TNRC6C: variants seen among roughly 807,000 people sequenced by gnomAD.
TNRC6C encodes the protein trinucleotide repeat-containing gene 6C protein.
Under a neutral mutation model 153.7 loss-of-function variants are expected in TNRC6C, and 20 were observed. The observed-to-expected ratio is 0.13, with a 90% CI of 0.09 to 0.19. The LOEUF is 0.19. TNRC6C is among the 10% of genes least tolerant of loss of function. The pLI, the probability that TNRC6C is intolerant of heterozygous loss-of-function variation, is 1.00. For missense variants in TNRC6C, 1,987 were observed against 2,172.0 expected, an observed-to-expected ratio of 0.91 and a Z score of 1.69; for synonymous variants, 811 against 841.4, an observed-to-expected ratio of 0.96 and a Z score of 0.63.
At chr17:78,097,356 C>T (rs993872499) in intron 16 of TNRC6C, among the ~76,000 whole-genome samples, 18 of 152,052 alleles carry the variant, frequency 1.2e-4, no homozygotes, top group African/African-American at 4.3e-4. Flanking sequence ...CATTTTGTGG[C>T]CATTGTTTGA....
At chr17:77,968,584 C>A (rs1232165861) in intron 1 of TNRC6C, among the ~76,000 whole-genome samples, 1 of 147,442 alleles carries the variant, frequency 6.8e-6, no homozygotes, top group Non-Finnish European at 1.5e-5. Flanking sequence ...CTCAGGTGAT[C>A]CGCCCACCTC....
At chr17:78,077,042 A>G (rs2073097137) in intron 8 of TNRC6C, 143 bp from the exon 11 acceptor site, 1 of 869,510 alleles carries the variant, frequency 1.2e-6, no homozygotes, top group Non-Finnish European at 1.7e-6. Context: ...CCTTTTGCAC[A>G]TGTTCTCCAT....
At chr17:77,989,900 GATTTAT>G in intron 1 of TNRC6C, among the ~76,000 whole-genome samples, 1 of 152,076 alleles carries the variant, frequency 6.6e-6, no homozygotes, top group East Asian at 1.9e-4. Flanking sequence ...CCCTCACTTT[GATTTAT>G]ATTTCTGCAT....
At chr17:78,063,885 A>G (rs756496685) in intron 3 of TNRC6C, among the ~76,000 whole-genome samples, 1 of 152,236 alleles carries the variant, frequency 6.6e-6, no homozygotes, top group African/African-American at 2.4e-5. Context: ...ATGTCATTAC[A>G]TATAATACAA....
At chr17:78,039,829 G>T (rs1343258814) in intron 2 of TNRC6C, among the ~76,000 whole-genome samples, 1 of 152,254 alleles carries the variant, frequency 6.6e-6, no homozygotes, top group African/African-American at 2.4e-5. Flanking sequence ...GCTGTCAAAG[G>T]GCTGTCCTGA....
chr17:78,033,029 A>G (rs1001378641), intron 2 of TNRC6C, among the ~76,000 whole-genome samples: 1 of 152,244 alleles, frequency 6.6e-6, no homozygotes, highest in Non-Finnish European at 1.5e-5. Context: ...TACTTTCCCA[A>G]TATGGTCCTT....
chr17:78,000,618 G>A (rs866016692), upstream of TNRC6C, among the ~76,000 whole-genome samples: 5 of 13,044 alleles, frequency 3.8e-4, no homozygotes, highest in Admixed American at 1.4e-3. Flanking sequence ...TTCTCCCTCC[G>A]CCCCCCCCCC....
At chr17:78,034,375 A>G (rs928994707) in intron 2 of TNRC6C, among the ~76,000 whole-genome samples, 8 of 151,620 alleles carry the variant, frequency 5.3e-5, no homozygotes, top group Admixed American at 6.6e-5. Flanking sequence ...CCTACTTTCT[A>G]TTATGATTGG....
intron 5 of TNRC6C, 145 bp downstream of exon 7, chr17:78,068,068 A>G (rs2072918530): frequency 3.4e-6 from 3 of 869,692 alleles, no homozygotes; most frequent in Admixed American, 3.3e-5. Context: ...AGACCCTTTC[A>G]GGGGAGTAAG....
intron 6 of TNRC6C, among the ~76,000 whole-genome samples, chr17:78,071,973 A>G (rs1286631759): frequency 1.3e-5 from 2 of 152,196 alleles, no homozygotes; most frequent in Non-Finnish European, 2.9e-5. Context: ...GGCAGTTCAG[A>G]TGGCAAGGGA....
In TNRC6C at chr17:78,051,168, G is replaced by A. The variant is rs34587560; in HGVS notation, c.2106G>A (p.Lys702=). 4.8e-3 allele frequency: 7,511 copies of A among 1,577,972 alleles called. 312 individuals are homozygous for A. In the African/African-American group the frequency reaches 0.091, roughly 19 times the overall value. Residue 702 remains lysine, a synonymous_variant, in exon 3 of 20, where the codon AAG becomes AAA. Transcript: ENST00000301624. The stretch of plus-strand genomic sequence containing the variant: ...GGGGGCCGGTACCGGTCAAACAGAA[G>A]GACAGCAGTGAAGCAACTGGCTGGG...
intron 1 of TNRC6C, among the ~76,000 whole-genome samples, chr17:77,995,367 T>C (rs1416455465): frequency 6.6e-6 from 1 of 152,198 alleles, no homozygotes; most frequent in East Asian, 1.9e-4. Flanking sequence ...GGCAGAACTC[T>C]TCTCCTGCTA....
intron 2 of TNRC6C, among the ~76,000 whole-genome samples, chr17:78,037,084 C>T (rs1334146993): frequency 2.0e-5 from 3 of 152,156 alleles, no homozygotes; most frequent in Admixed American, 6.5e-5. Flanking sequence ...TTTTGATTTA[C>T]ATTAATCTGC....
chr17:78,041,230 T>TGGTA, intron 2 of TNRC6C: 1 of 152,166 alleles, frequency 6.6e-6, no homozygotes, highest in South Asian at 2.1e-4. Context: ...AGCGTGTGAG[T>TGGTA]GGTAGCCCGG....
chr17:78,033,187 C>T (rs1468459148), intron 2 of TNRC6C, among the ~76,000 whole-genome samples: 1 of 152,164 alleles, frequency 6.6e-6, no homozygotes, highest in Non-Finnish European at 1.5e-5. Context: ...GATTGGTTGA[C>T]AGTATTGCAT....
At chr17:78,059,428 C>G (rs758550364) in intron 3 of TNRC6C, among the ~76,000 whole-genome samples, 7 of 152,178 alleles carry the variant, frequency 4.6e-5, no homozygotes, top group Non-Finnish European at 8.8e-5. Context: ...TGGGAGCCTG[C>G]TACGGAAGTA....
chr17:78,101,669 G>A (rs757215089), intron 17 of TNRC6C, among the ~76,000 whole-genome samples: 2 of 152,114 alleles, frequency 1.3e-5, no homozygotes, highest in Admixed American at 6.5e-5. Flanking sequence ...TGTTTCCGTA[G>A]ATACTAGATT....
chr17:78,033,157 G>C (rs1304947340), intron 2 of TNRC6C, among the ~76,000 whole-genome samples: 1 of 152,168 alleles, frequency 6.6e-6, no homozygotes, highest in African/African-American at 2.4e-5. Context: ...GCCTGTTCTG[G>C]TTGTATCTGG....
upstream of TNRC6C, among the ~76,000 whole-genome samples, chr17:77,958,522 GGC>G (rs1221047488): frequency 2.0e-5 from 3 of 152,180 alleles, no homozygotes; most frequent in Middle Eastern, 3.4e-3. Context: ...GGCCGGGAGG[GGC>G]GCGCGGGGGA....
Sources: gnomAD v4.1 joint callset for allele counts (sites outside exome capture counted in the v4.1 genomes callset) on GRCh38, gnomAD v4.1.1 for gene constraint, MANE v1.5 for transcripts, NCBI Gene and HGNC (gene_info 2026-07-23, HGNC 2026-07-21) for gene names.